The following CYP19A1 variants were observed in gnomAD, a reference collection of about 807,000 sequenced individuals.
CYP19A1 encodes the protein cytochrome P450 family 19 subfamily A member 1, also known as aromatase.
A neutral mutation model predicts 44.4 loss-of-function variants in CYP19A1; 32 were observed. That is an observed-to-expected ratio of 0.72 (90% confidence interval 0.54 to 0.97). The LOEUF (loss-of-function observed/expected upper bound fraction) is 0.97, where lower values mean the gene tolerates loss of function less well. Ranked by LOEUF, CYP19A1 falls within the 50% of genes least tolerant of loss-of-function variation. The pLI is 0.00. For synonymous variants in CYP19A1, 212 were observed against 215.6 expected (o/e 0.98, Z 0.14); for missense variants, 598 against 637.8 (o/e 0.94, Z 0.67).
rs900174001 is a variant in CYP19A1 at position 51,210,525 on chromosome 15, A to G, written c.*283T>C. ...AATGAAGGCCTATCCTTCTCAAAGC[A>G]CATTTGGTGGAATCGGGTCTTTATG... On this transcript the variant is annotated 3_prime_UTR_variant, in exon 10 of 10. Transcript: ENST00000396402. 22 of 585,696 alleles carry G rather than the reference A, an allele frequency of 3.8e-5. 1 individual carries two copies. Among genetic ancestry groups the G allele is most frequent in the South Asian group, 2.1e-4 (14 of 65,650 alleles). 36.3% of individuals were successfully genotyped at this position (585,696 alleles called of 1,614,324 possible). A position where few individuals can be genotyped will look rare whatever the true frequency, so the allele number is the denominator to read the frequency against.
At chr15:51,219,421 A>C (rs1253347623) in intron 5 of CYP19A1, among the ~76,000 whole-genome samples, 1 of 152,250 alleles carries the variant, frequency 6.6e-6, no homozygotes, top group African/African-American at 2.4e-5. Flanking sequence ...ACCAGTCACC[A>C]TGCTAGGCAC....
chr15:51,209,527 G>A lies in CYP19A1; in HGVS notation c.*1281C>T, dbSNP rs1215480441. The A allele has an allele frequency of 1.3e-5, 2 of 152,420 alleles. No individual in the cohort carries two copies. The highest frequency in any genetic ancestry group is 2.9e-5 in the Non-Finnish European group (2 of 68,020). The allele number at this position is 152,420 out of a possible 1,614,324, so 9.4% of individuals were successfully genotyped here. A position where few individuals can be genotyped will look rare whatever the true frequency, so the allele number is the denominator to read the frequency against. On this transcript the variant is annotated 3_prime_UTR_variant, in exon 10 of 10. Transcript: ENST00000396402. ...TAGTTTTTCAATGACATTCAGTAGA[G>A]ATAGTTATATTGGCTATATAACACA...
In CYP19A1 at chr15:51,210,439, T is replaced by C. The variant is rs778407354; in HGVS notation, c.*369A>G. ...AACTTGAGTGTTTCTGCCCCAGACA[T>C]AAAAATCCCCTTGGGTTGAGGCAGT... On this transcript the variant is annotated 3_prime_UTR_variant, in exon 10 of 10. Transcript: ENST00000396402. The C allele has an allele frequency of 1.9e-6, 1 of 519,098 alleles. No homozygotes were observed. Among genetic ancestry groups the C allele is most frequent in the Non-Finnish European group, 3.7e-6 (1 of 266,788 alleles). The allele number at this position is 519,098 out of a possible 1,614,324, so 32.2% of individuals were successfully genotyped here.
chr15:51,335,749 G>A (rs1048334612), intron 1 of CYP19A1, among the ~76,000 whole-genome samples: 8 of 152,048 alleles, frequency 5.3e-5, no homozygotes, highest in Non-Finnish European at 1.0e-4. Flanking sequence ...TCCATCTACC[G>A]ACTCCTCCCC....
At chr15:51,231,970 A>G (rs980143584) in intron 3 of CYP19A1, among the ~76,000 whole-genome samples, 3 of 151,810 alleles carry the variant, frequency 2.0e-5, no homozygotes, top group African/African-American at 7.3e-5. Flanking sequence ...ACCTCTTCAC[A>G]TCTCACCTAG....
chr15:51,328,621 C>G (rs1296472305), intron 1 of CYP19A1, among the ~76,000 whole-genome samples: 1 of 151,596 alleles, frequency 6.6e-6, no homozygotes, highest in African/African-American at 2.4e-5. Flanking sequence ...CTTCCAACAG[C>G]TGGAGTTGAG....
At chr15:51,264,302 T>G (rs2034837807) in intron 1 of CYP19A1, among the ~76,000 whole-genome samples, 1 of 152,076 alleles carries the variant, frequency 6.6e-6, no homozygotes, top group Non-Finnish European at 1.5e-5. Flanking sequence ...GGTGCAGTCA[T>G]CATGGAACTG....
At chr15:51,250,401 G>A (rs2141140567) in intron 1 of CYP19A1, among the ~76,000 whole-genome samples, 1 of 152,320 alleles carries the variant, frequency 6.6e-6, no homozygotes, top group African/African-American at 2.4e-5. Context: ...GCAAGCCTGG[G>A]ACTTGGGAAC....
chr15:51,294,191 C>T (rs1169983178), intron 1 of CYP19A1, among the ~76,000 whole-genome samples: 2 of 132,448 alleles, frequency 1.5e-5, no homozygotes. Context: ...AAGTGAGGAG[C>T]GTCTCTGCCC....
At chr15:51,244,353 C>T (rs1290572545) in intron 1 of CYP19A1, among the ~76,000 whole-genome samples, 1 of 152,120 alleles carries the variant, frequency 6.6e-6, no homozygotes, top group Non-Finnish European at 1.5e-5. Flanking sequence ...GTTATTCTAC[C>T]ATTTAAATAA....
chr15:51,275,204 G>A (rs1341613016), intron 1 of CYP19A1, among the ~76,000 whole-genome samples: 1 of 152,226 alleles, frequency 6.6e-6, no homozygotes, highest in African/African-American at 2.4e-5. Context: ...TGTGCATCAT[G>A]GCAAGAAATG....
At chr15:51,235,715 AGAT>A (rs1566885517) in intron 3 of CYP19A1, among the ~76,000 whole-genome samples, 2 of 152,218 alleles carry the variant, frequency 1.3e-5, no homozygotes, top group Non-Finnish European at 2.9e-5. Context: ...GTATTTTATG[AGAT>A]GATGTATGTA....
At chr15:51,329,373 C>T (rs1166933468) in intron 1 of CYP19A1, among the ~76,000 whole-genome samples, 1 of 152,176 alleles carries the variant, frequency 6.6e-6, no homozygotes, top group Non-Finnish European at 1.5e-5. Context: ...AAAAGGCACC[C>T]TCTGAGAGCT....
In CYP19A1 at chr15:51,281,597, A is replaced by G. The variant is rs187362518; in HGVS notation, c.-38-38647T>C. The stretch of plus-strand genomic sequence containing the variant: ...GCCTTCTTCAGCTGAGCCCTAGGGC[A>G]GCCTTGGGAGGCAGGCAGTGAGGGG... On this transcript the variant is annotated intron_variant, in intron 1 of 9. Transcript: ENST00000396402. Among the ~76,000 whole-genome samples the G allele has an allele frequency of 6.2e-3, 937 of 152,352 alleles. 11 individuals are homozygous for G. Among genetic ancestry groups the G allele is most frequent in the Non-Finnish European group, 5.5e-3 (375 of 68,030 alleles).
rs28757174 is a variant in CYP19A1, at chr15:51,236,747, A to G, written c.296+112T>C. On this transcript the variant is annotated intron_variant, in intron 3 of 9. Transcript: ENST00000396402. ...GGATTGCTCACTTCATTTCAGTGGTAAAAATATAGCGTTAGAAACAAAGAC... is the reference window on the plus strand; with the variant it reads ...GGATTGCTCACTTCATTTCAGTGGTGAAAATATAGCGTTAGAAACAAAGAC... 7 of 1,337,316 alleles carry G rather than the reference A, an allele frequency of 5.2e-6. No individual in the cohort carries two copies. The Admixed American group carries it at 1.0e-4, about 19-fold the overall frequency. 82.8% of individuals were successfully genotyped at this position (1,337,316 alleles called of 1,614,324 possible). A position where few individuals can be genotyped will look rare whatever the true frequency, so the allele number is the denominator to read the frequency against.
chr15:51,330,963 G>A (rs895293405), intron 1 of CYP19A1, among the ~76,000 whole-genome samples: 9 of 152,144 alleles, frequency 5.9e-5, no homozygotes, highest in African/African-American at 2.2e-4. Flanking sequence ...GTGACGTGGC[G>A]AATGAATGAG....
intron 6 of CYP19A1, 91 bp from the exon 7 acceptor site, chr15:51,215,908 C>A: frequency 1.9e-6 from 3 of 1,590,190 alleles, no homozygotes; most frequent in South Asian, 1.1e-5. Flanking sequence ...GTAAAATGAT[C>A]TGCTTTAATT....
At chr15:51,286,133 A>G (rs966455592) in intron 1 of CYP19A1, among the ~76,000 whole-genome samples, 9 of 151,756 alleles carry the variant, frequency 5.9e-5, no homozygotes, top group African/African-American at 2.2e-4. Context: ...GCCTGATCCA[A>G]CTCTCCAGGA....
At chr15:51,236,025 G>A (rs1227927571) in intron 3 of CYP19A1, among the ~76,000 whole-genome samples, 1 of 152,152 alleles carries the variant, frequency 6.6e-6, no homozygotes, top group African/African-American at 2.4e-5. Flanking sequence ...CACCAAACTA[G>A]TTCCTTATAG....
Sources: allele counts gnomAD v4.1 joint callset (sites outside exome capture counted in the v4.1 genomes callset), GRCh38; gene constraint gnomAD v4.1.1; transcripts MANE v1.5; gene names NCBI Gene and HGNC (gene_info 2026-07-23, HGNC 2026-07-21).